COLEC12: variants seen among roughly 807,000 people sequenced by gnomAD.
COLEC12 encodes the protein collectin subfamily member 12.
COLEC12 carries 33 observed loss-of-function variants against 71.1 expected under a neutral mutation model. The observed-to-expected ratio is 0.46, with a 90% CI of 0.35 to 0.62. COLEC12 has a LOEUF of 0.62. COLEC12 is among the 20% of genes least tolerant of loss of function. The probability of loss-of-function intolerance (pLI) is 0.00; values close to 1 mark genes in which losing one functional copy is unlikely to be tolerated. For missense variants in COLEC12, 765 were observed against 916.1 expected, an observed-to-expected ratio of 0.84 and a Z score of 2.13; for synonymous variants, 350 against 353.0, an observed-to-expected ratio of 0.99 and a Z score of 0.10.
At chr18:429,566 G>C (rs1353411061) in intron 2 of COLEC12, among the ~76,000 whole-genome samples, 1 of 152,144 alleles carries the variant, frequency 6.6e-6, no homozygotes, top group East Asian at 1.9e-4. Context: ...ATTTTTAGTA[G>C]AGACAGGGAT....
intron 2 of COLEC12, among the ~76,000 whole-genome samples, chr18:425,003 G>C (rs1053960968): frequency 5.3e-5 from 8 of 151,534 alleles, no homozygotes; most frequent in African/African-American, 1.7e-4. Flanking sequence ...CAGGACAATA[G>C]AGGTGTGGTT....
intron 2 of COLEC12, among the ~76,000 whole-genome samples, chr18:470,051 T>C (rs1290641517): frequency 6.6e-6 from 1 of 152,070 alleles, no homozygotes; most frequent in Non-Finnish European, 1.5e-5. Flanking sequence ...TATTCATATT[T>C]CCCCTCAATT....
At position 341,309 on chromosome 18, in the gene COLEC12, G is replaced by A. The variant is rs149540908; in HGVS notation, c.1327+4986C>T. Among the ~76,000 whole-genome samples, 16 of 152,302 alleles carry A rather than the reference G, an allele frequency of 1.1e-4. No homozygotes were observed. The East Asian group carries it at 2.5e-3, about 24-fold the overall frequency. On this transcript the variant is annotated intron_variant, in intron 5 of 9. Transcript: ENST00000400256. ...TGGGTAAGTTACTCAGGCTCTCTGC[G>A]TCTCAGTTCCCTCCCCCGCAAATGG...
At chr18:350,304 C>T (rs146126162) in intron 3 of COLEC12, among the ~76,000 whole-genome samples, 5 of 152,238 alleles carry the variant, frequency 3.3e-5, no homozygotes, top group South Asian at 4.2e-4. Context: ...TTGCTGCTGC[C>T]GTGTAAGAAG....
chr18:433,893 G>C (rs1305952382), intron 2 of COLEC12, among the ~76,000 whole-genome samples: 1 of 151,074 alleles, frequency 6.6e-6, no homozygotes, highest in South Asian at 2.1e-4. Context: ...GAGCCCAGTA[G>C]GTTGAGACTG....
chr18:325,656 T>TTTTTTTTTTA (rs1913824305), intron 8 of COLEC12, among the ~76,000 whole-genome samples: 1 of 89,970 alleles, frequency 1.1e-5, no homozygotes, highest in African/African-American at 3.8e-5. Context: ...TTTTTTTTTT[T>TTTTTTTTTTA]GAGACAGAGT....
Position 327,489 on chromosome 18 carries a change from T to G in COLEC12, c.2063+4179A>C, listed in dbSNP as rs1456597290. ...TCCTGCTGCGGTGCAGAAAGAGCCA[T>G]AAGATTCAGCAAGTCAGGTTGAGTG... is the stretch of plus-strand genomic sequence containing the variant. On this transcript the variant is annotated intron_variant, in intron 8 of 9. Coordinates refer to ENST00000400256, the MANE Select transcript of COLEC12 (RefSeq NM_130386.3). This position sits in a 1 kb window ranked among gnomAD's most constrained non-coding sequence, Gnocchi z 4.0. Among the ~76,000 whole-genome samples, 2 of 152,142 alleles carry G rather than the reference T, an allele frequency of 1.3e-5. No homozygotes were observed. The highest frequency in any genetic ancestry group is 4.8e-5 in the African/African-American group (2 of 41,432).
In COLEC12 at chr18:409,280, C is replaced by T. The variant is rs371561605; in HGVS notation, c.59-51758G>A. 2.6e-5 allele frequency among the ~76,000 whole-genome samples: 4 copies of T among 152,340 alleles called. No individual in the cohort carries two copies. The East Asian group carries it at 5.8e-4, about 22-fold the overall frequency. ...CCTAGGCCGGGCGTGGTGGCTCACG[C>T]CTATAATCCAACCACTTCGGGAGGC... On this transcript the variant is annotated intron_variant, in intron 2 of 9. Transcript: ENST00000400256.
At chr18:385,906 G>A (rs1915334779) in intron 2 of COLEC12, among the ~76,000 whole-genome samples, 2 of 152,134 alleles carry the variant, frequency 1.3e-5, no homozygotes, top group African/African-American at 4.8e-5. Flanking sequence ...ATGTCAGAAT[G>A]TATCTAGGGG....
intron 5 of COLEC12, among the ~76,000 whole-genome samples, chr18:338,758 G>A (rs573156031): frequency 3.3e-5 from 5 of 152,296 alleles, no homozygotes; most frequent in East Asian, 3.9e-4. Context: ...CACAATGGAC[G>A]TAGCATTATG....
In COLEC12 at chr18:500,650, C is replaced by T. The variant is rs948643434; in HGVS notation, c.-136G>A. The T allele has an allele frequency of 5.0e-6, 3 of 602,916 alleles. No individual in the cohort carries two copies. The highest frequency in any genetic ancestry group is 6.7e-6 in the Non-Finnish European group (3 of 449,510). The allele number at this position is 602,916 out of a possible 1,614,324, so 37.3% of individuals were successfully genotyped here. ...CGCCGGCCGTCTGCGCCCCCGTCCT[C>T]CCTCGCCGCCGCCGGCCCGCGCTCC... is the stretch of plus-strand genomic sequence containing the variant. On this transcript the variant is annotated 5_prime_UTR_variant, in exon 1 of 10. Coordinates refer to ENST00000400256, the MANE Select transcript of COLEC12 (RefSeq NM_130386.3). The surrounding 1 kb of genome is among the most constrained non-coding windows in gnomAD (Gnocchi z 5.3).
intron 2 of COLEC12, among the ~76,000 whole-genome samples, chr18:364,548 A>G (rs774793946): frequency 6.6e-6 from 1 of 152,170 alleles, no homozygotes. Context: ...CAGCCTGACT[A>G]CTTCATTATC....
At chr18:484,086 A>G (rs966695958) in intron 1 of COLEC12, among the ~76,000 whole-genome samples, 19 of 152,150 alleles carry the variant, frequency 1.2e-4, no homozygotes, top group African/African-American at 4.6e-4. Context: ...TTCCCATTAG[A>G]CATGTCTATT....
intron 2 of COLEC12, among the ~76,000 whole-genome samples, chr18:411,456 T>C (rs2143636328): frequency 6.6e-6 from 1 of 152,150 alleles, no homozygotes; most frequent in Middle Eastern, 3.4e-3. Context: ...ATCACTTCAA[T>C]GAGCAATTAT....
chr18:443,888 A>C (rs1393326037), intron 2 of COLEC12, among the ~76,000 whole-genome samples: 1 of 152,030 alleles, frequency 6.6e-6, no homozygotes, highest in African/African-American at 2.4e-5. Flanking sequence ...CTGGTCATTT[A>C]AAAGTGTGTG....
At chr18:498,791 C>T (rs1917762993) in intron 1 of COLEC12, among the ~76,000 whole-genome samples, 1 of 152,226 alleles carries the variant, frequency 6.6e-6, no homozygotes, top group Admixed American at 6.5e-5. Context: ...CGCTAGACCA[C>T]AGCGGGTAGG....
chr18:440,194 C>T (rs115712587), intron 2 of COLEC12, among the ~76,000 whole-genome samples: 444 of 151,768 alleles, frequency 2.9e-3, no homozygotes, highest in African/African-American at 9.9e-3. Context: ...ACAGTAGTTG[C>T]GACATGGGAT....
chr18:335,305 A>C (rs1448992647), intron 5 of COLEC12, 75 bp from the exon 6 acceptor site: 1 of 1,477,062 alleles, frequency 6.8e-7, no homozygotes, highest in Non-Finnish European at 9.0e-7. Context: ...TTCTTCTTAT[A>C]AAATCTCCAA....
chr18:489,167 A>C (rs1917575337), intron 1 of COLEC12, among the ~76,000 whole-genome samples: 2 of 152,234 alleles, frequency 1.3e-5, no homozygotes, highest in Admixed American at 1.3e-4. Flanking sequence ...ATTTATAAGA[A>C]TTTTACAAAG....
Sources: allele counts gnomAD v4.1 joint callset (sites outside exome capture counted in the v4.1 genomes callset), GRCh38; gene constraint gnomAD v4.1.1; non-coding constraint Gnocchi (gnomAD v3.1); transcripts MANE v1.5; gene names NCBI Gene and HGNC (gene_info 2026-07-23, HGNC 2026-07-21).